Variants in DTNA observed in about 807,000 individuals in gnomAD.
DTNA encodes the protein dystrophin-related protein 3.
In DTNA, 43 loss-of-function variants were observed where a neutral mutation model predicts 100.7. The observed-to-expected ratio is 0.43, with a 90% CI of 0.33 to 0.55. The LOEUF (loss-of-function observed/expected upper bound fraction) is 0.55, where lower values mean the gene tolerates loss of function less well. Among genes scored for constraint, DTNA ranks in the 20% least tolerant of loss-of-function variants. The pLI, the probability that DTNA is intolerant of heterozygous loss-of-function variation, is 0.04. For synonymous variants in DTNA, 349 were observed against 347.9 expected (o/e 1.00, Z -0.04); for missense variants, 798 against 953.9 (o/e 0.84, Z 2.15).
At chr18:34,668,791 CAGTT>C (rs529322702) in intron 1 of DTNA, among the ~76,000 whole-genome samples, 320 of 152,124 alleles carry the variant, frequency 2.1e-3, no homozygotes, top group African/African-American at 7.6e-3. Flanking sequence ...GTCTGAGAGA[CAGTT>C]TGTTATAATT....
At chr18:34,712,371 G>A (rs914428782) in intron 1 of DTNA, among the ~76,000 whole-genome samples, 5 of 151,924 alleles carry the variant, frequency 3.3e-5, no homozygotes, top group African/African-American at 1.2e-4. Context: ...ATAAAGTATA[G>A]ATAGTTCCTT....
intron 1 of DTNA, among the ~76,000 whole-genome samples, chr18:34,693,244 A>G (rs1049031953): frequency 2.6e-5 from 4 of 152,168 alleles, no homozygotes; most frequent in African/African-American, 9.6e-5. Context: ...GGAGCCTGAG[A>G]TAAATAAAGT....
At chr18:34,839,696 A>G (rs2096230952) in intron 13 of DTNA, among the ~76,000 whole-genome samples, 1 of 152,126 alleles carries the variant, frequency 6.6e-6, no homozygotes, top group Non-Finnish European at 1.5e-5. Context: ...ATTTTCTCTC[A>G]ATTAAGGGCC....
intron 1 of DTNA, among the ~76,000 whole-genome samples, chr18:34,734,649 C>A (rs2089146016): frequency 6.6e-6 from 1 of 152,134 alleles, no homozygotes; most frequent in East Asian, 1.9e-4. Context: ...AGACAGAATC[C>A]CCCAGTTCAT....
At chr18:34,815,824 TC>T in intron 6 of DTNA, 84 bp from the exon 7 acceptor site, 1 of 1,184,044 alleles carries the variant, frequency 8.4e-7, no homozygotes, top group East Asian at 2.3e-5. Context: ...CTCTTTTGTT[TC>T]AGTCTCAAAT....
At chr18:34,703,359 C>T (rs78837792) in intron 1 of DTNA, among the ~76,000 whole-genome samples, 18,036 of 152,122 alleles carry the variant, frequency 0.12, 1,380 homozygotes, top group Admixed American at 0.2. Context: ...CCTAATGTCT[C>T]GCCTGGCAAA....
At chr18:34,581,626 T>G (rs113331839) in intron 1 of DTNA, among the ~76,000 whole-genome samples, 12 of 144,392 alleles carry the variant, frequency 8.3e-5, no homozygotes, top group African/African-American at 1.3e-4. Flanking sequence ...AGTTAGTTTT[T>G]TTTTTTTTTT....
chr18:34,792,632 A>G (rs544834867), intron 3 of DTNA, among the ~76,000 whole-genome samples: 6 of 152,358 alleles, frequency 3.9e-5, no homozygotes, highest in Admixed American at 2.0e-4. Context: ...TTATTTGCAA[A>G]TGCAAAAGCA....
intron 1 of DTNA, among the ~76,000 whole-genome samples, chr18:34,619,202 G>A (rs774331984): frequency 1.8e-4 from 27 of 152,226 alleles, no homozygotes; most frequent in Non-Finnish European, 3.5e-4. Flanking sequence ...TGTAATGAGT[G>A]GTACAGAATA....
At chr18:34,854,049 C>G (rs746821822) in intron 15 of DTNA, among the ~76,000 whole-genome samples, 36 of 152,088 alleles carry the variant, frequency 2.4e-4, no homozygotes, top group Non-Finnish European at 5.9e-5. Context: ...GCTGAGCTAG[C>G]AGGCAGAGGG....
In DTNA at chr18:34,820,914, G is replaced by T; in HGVS notation, c.1000G>T (p.Val334Leu). 1 of 1,613,666 alleles carries T rather than the reference G, an allele frequency of 6.2e-7. No homozygotes were observed. Among genetic ancestry groups the T allele is most frequent in the Non-Finnish European group, 8.5e-7 (1 of 1,179,934 alleles). ...GAAGCCACTCAACTTGGCTCACATCGTGTGAGTATCCCTACCCTCCCAGTA... is the reference window on the plus strand; with the variant it reads ...GAAGCCACTCAACTTGGCTCACATCTTGTGAGTATCCCTACCCTCCCAGTA... ...PEKPLNLAHI[V>L]PPRPVTSMND... The change falls in exon 9 of 23, where the codon GTG becomes TTG. Residue 334 changes from valine to leucine, a missense_variant and splice_region_variant. Around this residue, in one of 6 missense-constraint regions of DTNA, gnomAD observed 93 missense variants for 90.5 expected, o/e 1.03. Coordinates refer to ENST00000444659, the MANE Select transcript of DTNA (RefSeq NM_001386795.1).
chr18:34,527,097 G>T (rs1386268240), intron 1 of DTNA, among the ~76,000 whole-genome samples: 1 of 151,704 alleles, frequency 6.6e-6, no homozygotes, highest in East Asian at 1.9e-4. Context: ...CTCTACAATT[G>T]TCCTTTCTGT....
At chr18:34,663,117 C>A (rs1275351551) in intron 1 of DTNA, 1 of 152,044 alleles carries the variant, frequency 6.6e-6, no homozygotes, top group African/African-American at 2.4e-5. Flanking sequence ...GTTATTAAGT[C>A]TTGGGAGTGT....
chr18:34,673,323 A>G (rs189927296), intron 1 of DTNA, among the ~76,000 whole-genome samples: 2 of 152,122 alleles, frequency 1.3e-5, no homozygotes, highest in Admixed American at 1.3e-4. Context: ...CGTAAACTTA[A>G]TCACTGGGGT....
At chr18:34,597,553 T>A (rs2050885446) in intron 1 of DTNA, among the ~76,000 whole-genome samples, 1 of 152,176 alleles carries the variant, frequency 6.6e-6, no homozygotes, top group Non-Finnish European at 1.5e-5. Context: ...ATTGCTCCCC[T>A]ACTTAAAAAT....
chr18:34,659,464 G>A (rs1431519296), intron 1 of DTNA, among the ~76,000 whole-genome samples: 2 of 152,058 alleles, frequency 1.3e-5, no homozygotes, highest in African/African-American at 4.8e-5. Context: ...CTACTGGACT[G>A]TACAGCCCAG....
Position 34,820,848 on chromosome 18 carries a change from A to G in DTNA, c.934A>G (p.Ser312Gly). The G allele has an allele frequency of 1.9e-6, 3 of 1,614,174 alleles. No homozygotes were observed. Among genetic ancestry groups the G allele is most frequent in the Non-Finnish European group, 1.7e-6 (2 of 1,180,022 alleles). The change falls in exon 9 of 23, where the codon AGC becomes GGC. Residue 312 changes from serine (S) to glycine (G), a missense_variant. By Grantham distance (56) the Ser-to-Gly change is moderately conservative. Transcript: ENST00000444659. Reference protein sequence around the residue: ...ALSKSLSCASSREPLHPMFPD... With the variant: ...ALSKSLSCASGREPLHPMFPD... ...AAGCAAGTCCCTGAGCTGTGCTTCCAGCCGTGAACCTTTGCACCCCATGTT... is the reference window on the plus strand; with the variant it reads ...AAGCAAGTCCCTGAGCTGTGCTTCCGGCCGTGAACCTTTGCACCCCATGTT...
Position 34,848,399 on chromosome 18 carries a change from A to G in DTNA, c.1434+16A>G, listed in dbSNP as rs748275317. 1.2e-6 allele frequency: 2 copies of G among 1,613,358 alleles called. No individual in the cohort carries two copies. The highest frequency in any genetic ancestry group is 1.1e-5 in the South Asian group (1 of 91,054). The stretch of plus-strand genomic sequence containing the variant: ...CTCTTCGTCTGTAAGTAGTTGGAGT[A>G]AAAGGATTCGTCTGTTGGCATCTGG... On this transcript the variant is annotated intron_variant, in intron 14 of 22. Coordinates refer to ENST00000444659, the MANE Select transcript of DTNA (RefSeq NM_001386795.1).
intron 3 of DTNA, among the ~76,000 whole-genome samples, chr18:34,780,135 G>C (rs1287602421): frequency 3.3e-5 from 5 of 152,072 alleles, no homozygotes; most frequent in Admixed American, 3.3e-4. Flanking sequence ...TAAATAAATT[G>C]TCGGTAGCTG....
Sources: gnomAD v4.1 joint callset for allele counts (sites outside exome capture counted in the v4.1 genomes callset) on GRCh38, gnomAD v4.1.1 for gene constraint, gnomAD v4.1.1 regional missense constraint, MANE v1.5 for transcripts, NCBI Gene and HGNC (gene_info 2026-07-23, HGNC 2026-07-21) for gene names.